The following KPNA3 variants were observed in gnomAD, a reference collection of about 807,000 sequenced individuals.
KPNA3 encodes the protein karyopherin subunit alpha 3.
A neutral mutation model predicts 73.8 loss-of-function variants in KPNA3; 13 were observed. The ratio of observed to expected loss-of-function variants is 0.18; its 90% CI spans 0.11 to 0.28. The LOEUF (loss-of-function observed/expected upper bound fraction) is 0.28, where lower values mean the gene tolerates loss of function less well. Ranked by LOEUF, KPNA3 falls within the 10% of genes least tolerant of loss-of-function variation. KPNA3 has a pLI of 1.00. For synonymous variants in KPNA3, 186 were observed against 206.9 expected, an observed-to-expected ratio of 0.90 and a Z score of 0.87; for missense variants, 360 against 618.1, an observed-to-expected ratio of 0.58 and a Z score of 4.43.
At chr13:49,750,676 A>T (rs1313540121) in intron 1 of KPNA3, among the ~76,000 whole-genome samples, 1 of 151,810 alleles carries the variant, frequency 6.6e-6, no homozygotes, top group Non-Finnish European at 1.5e-5. Context: ...AGTGGAAATG[A>T]GAGTAATAAT....
At position 49,701,042 on chromosome 13, in the gene KPNA3, G is replaced by A. The variant is rs1250597529; in HGVS notation, c.*758C>T. ...AGCATTTGATTACTTCAAAACAGCAGGAACACACAGGCTGAAGAGAGTGGT... is the reference window on the plus strand; with the variant it reads ...AGCATTTGATTACTTCAAAACAGCAAGAACACACAGGCTGAAGAGAGTGGT... On this transcript the variant is annotated 3_prime_UTR_variant, in exon 17 of 17. Coordinates refer to ENST00000261667, the MANE Select transcript of KPNA3 (RefSeq NM_002267.4). 6.5e-6 allele frequency: 1 copy of A among 153,886 alleles called. No individual in the cohort carries two copies. The highest frequency in any genetic ancestry group is 1.4e-5 in the Non-Finnish European group (1 of 69,022). 9.5% of individuals were successfully genotyped at this position (153,886 alleles called of 1,614,324 possible).
intron 1 of KPNA3, among the ~76,000 whole-genome samples, chr13:49,791,004 G>A (rs1014882158): frequency 6.6e-6 from 1 of 152,176 alleles, no homozygotes. Context: ...CTATTCCCAA[G>A]TTTTACTTTC....
At chr13:49,764,040 C>G (rs1954789669) in intron 1 of KPNA3, among the ~76,000 whole-genome samples, 1 of 143,044 alleles carries the variant, frequency 7.0e-6, no homozygotes, top group Non-Finnish European at 1.5e-5. Flanking sequence ...GCACTCCAGC[C>G]TGGGTAACAG....
chr13:49,760,403 A>G (rs9535327), intron 1 of KPNA3, among the ~76,000 whole-genome samples: 29,569 of 144,994 alleles, frequency 0.2, 3,387 homozygotes, highest in Middle Eastern at 0.27. Flanking sequence ...TGACAGAGTG[A>G]GATCCCATCT....
At chr13:49,713,716 CTTTTT>C (rs1371051943) in intron 10 of KPNA3, among the ~76,000 whole-genome samples, 1 of 150,970 alleles carries the variant, frequency 6.6e-6, no homozygotes, top group Non-Finnish European at 1.5e-5. Flanking sequence ...TTTTTCTTTT[CTTTTT>C]GAGACAGAGT....
intron 2 of KPNA3, among the ~76,000 whole-genome samples, chr13:49,745,845 C>T (rs889687216): frequency 2.0e-5 from 3 of 151,102 alleles, no homozygotes; most frequent in African/African-American, 7.3e-5. Flanking sequence ...GGGCAGATCA[C>T]GAGGTCAGGA....
At chr13:49,730,682 A>G (rs1954457972) in intron 6 of KPNA3, among the ~76,000 whole-genome samples, 1 of 150,826 alleles carries the variant, frequency 6.6e-6, no homozygotes, top group South Asian at 2.1e-4. Context: ...GGTTAGTTAC[A>G]TATGTATACA....
intron 12 of KPNA3, among the ~76,000 whole-genome samples, chr13:49,707,405 TAA>T (rs976058671): frequency 6.6e-6 from 1 of 152,234 alleles, no homozygotes; most frequent in African/African-American, 2.4e-5. Flanking sequence ...TTTGTAGATT[TAA>T]AAAGTTTCAA....
rs761239313 is a variant in KPNA3, at chr13:49,700,853, A to T, written c.*947T>A. ...TTAACTCCTGAAAGCTGAAAGCAAG[A>T]TTTTTTTAAAAAACATCACCAATGG... On this transcript the variant is annotated 3_prime_UTR_variant, in exon 17 of 17. Coordinates refer to ENST00000261667, the MANE Select transcript of KPNA3 (RefSeq NM_002267.4). The T allele has an allele frequency of 6.6e-6, 1 of 152,462 alleles. No individual in the cohort carries two copies. The highest frequency in any genetic ancestry group is 1.5e-5 in the Non-Finnish European group (1 of 68,038). 9.4% of individuals were successfully genotyped at this position (152,462 alleles called of 1,614,324 possible).
At chr13:49,714,473 A>G (rs1279582443) in intron 10 of KPNA3, among the ~76,000 whole-genome samples, 1 of 152,198 alleles carries the variant, frequency 6.6e-6, no homozygotes, top group Admixed American at 6.5e-5. Context: ...ATAATTTACT[A>G]GAACAATAGT....
intron 7 of KPNA3, among the ~76,000 whole-genome samples, chr13:49,723,789 G>C (rs1954382633): frequency 6.7e-6 from 1 of 149,338 alleles, no homozygotes; most frequent in African/African-American, 2.5e-5. Flanking sequence ...AGAATTGCTT[G>C]AACCCAGGAG....
intron 1 of KPNA3, among the ~76,000 whole-genome samples, chr13:49,788,671 G>A (rs1024118089): frequency 2.7e-5 from 4 of 150,248 alleles, no homozygotes; most frequent in African/African-American, 2.5e-5. Context: ...ATAGTGAGCC[G>A]AGATTGGGCC....
At chr13:49,762,217 C>T (rs1477055165) in intron 1 of KPNA3, among the ~76,000 whole-genome samples, 2 of 150,110 alleles carry the variant, frequency 1.3e-5, no homozygotes, top group Admixed American at 6.6e-5. Context: ...AGCCCCCGCC[C>T]GGCCAGCCGC....
At chr13:49,718,909 C>A (rs1954329518) in intron 10 of KPNA3, among the ~76,000 whole-genome samples, 1 of 152,110 alleles carries the variant, frequency 6.6e-6, no homozygotes, top group African/African-American at 2.4e-5. Flanking sequence ...AAATTACACA[C>A]AATTCACAAT....
chr13:49,720,549 G>A (rs1471585625), intron 9 of KPNA3, among the ~76,000 whole-genome samples: 2 of 152,044 alleles, frequency 1.3e-5, no homozygotes, highest in Non-Finnish European at 2.9e-5. Context: ...TTGATGCCAG[G>A]AGTTCAAGAC....
At chr13:49,724,156 C>T (rs1954386460) in intron 7 of KPNA3, among the ~76,000 whole-genome samples, 1 of 152,110 alleles carries the variant, frequency 6.6e-6, no homozygotes, top group Non-Finnish European at 1.5e-5. Flanking sequence ...TTGTATACAC[C>T]ACATTCACTT....
intron 1 of KPNA3, among the ~76,000 whole-genome samples, chr13:49,755,283 A>G (rs1006855172): frequency 1.3e-5 from 2 of 152,200 alleles, no homozygotes; most frequent in Non-Finnish European, 2.9e-5. Context: ...GCAGAAAAAA[A>G]TGACAAAATT....
At chr13:49,713,664 C>T (rs1954280511) in intron 10 of KPNA3, among the ~76,000 whole-genome samples, 1 of 151,522 alleles carries the variant, frequency 6.6e-6, no homozygotes, top group South Asian at 2.1e-4. Flanking sequence ...CACACACACA[C>T]ACACACACAC....
At chr13:49,753,826 C>T (rs879823441) in intron 1 of KPNA3, among the ~76,000 whole-genome samples, 5 of 152,156 alleles carry the variant, frequency 3.3e-5, no homozygotes, top group South Asian at 2.1e-4. Flanking sequence ...AGTTTCAACC[C>T]GAAACCATCC....
Sources: gnomAD v4.1 joint callset for allele counts (sites outside exome capture counted in the v4.1 genomes callset) on GRCh38, gnomAD v4.1.1 for gene constraint, MANE v1.5 for transcripts, NCBI Gene and HGNC (gene_info 2026-07-23, HGNC 2026-07-21) for gene names.